ASTN2: variants seen among roughly 807,000 people sequenced by gnomAD.
The protein encoded by ASTN2 is astrotactin-2.
Under a neutral mutation model 139.8 loss-of-function variants are expected in ASTN2, and 54 were observed. That is an observed-to-expected ratio of 0.39 (90% confidence interval 0.31 to 0.48). The LOEUF is 0.48. ASTN2 is among the 20% of genes least tolerant of loss of function. ASTN2 has a pLI of 0.95. For missense variants in ASTN2, 1,565 were observed against 1,725.1 expected (o/e 0.91, Z 1.64); for synonymous variants, 756 against 719.5 (o/e 1.05, Z -0.81).
intron 3 of ASTN2, among the ~76,000 whole-genome samples, chr9:117,144,948 G>A (rs1292258075): frequency 1.3e-5 from 2 of 151,948 alleles, no homozygotes; most frequent in Non-Finnish European, 2.9e-5. Flanking sequence ...CTCTCAAAGT[G>A]TTGGGATTAC....
chr9:117,283,298 C>A (rs890661884), intron 2 of ASTN2, among the ~76,000 whole-genome samples: 1 of 152,092 alleles, frequency 6.6e-6, no homozygotes. Flanking sequence ...AGCTAGAGAC[C>A]CTGCAGGCTT....
intron 1 of ASTN2, among the ~76,000 whole-genome samples, chr9:117,364,877 C>T (rs751329432): frequency 2.4e-4 from 36 of 151,432 alleles, no homozygotes; most frequent in Admixed American, 4.0e-4. Flanking sequence ...CTTTGGAAGG[C>T]CAAGGTGGGT....
intron 17 of ASTN2, among the ~76,000 whole-genome samples, chr9:116,648,095 G>A (rs562452586): frequency 6.6e-6 from 1 of 151,434 alleles, no homozygotes; most frequent in South Asian, 2.1e-4. Context: ...ACTGCCTCTC[G>A]GGTTCAAGCG....
intron 11 of ASTN2, among the ~76,000 whole-genome samples, chr9:116,832,722 T>G (rs557883721): frequency 5.3e-5 from 8 of 152,206 alleles, no homozygotes; most frequent in Non-Finnish European, 1.2e-4. Flanking sequence ...GTTATGTGTA[T>G]AGTTATCTTT....
intron 13 of ASTN2, among the ~76,000 whole-genome samples, chr9:116,738,570 T>C (rs114139262): frequency 0.041 from 6,228 of 152,050 alleles, 453 homozygotes; most frequent in African/African-American, 0.14. Flanking sequence ...AAAGAACTTA[T>C]CTATCTAATC....
intron 3 of ASTN2, among the ~76,000 whole-genome samples, chr9:117,144,121 C>G (rs1034245093): frequency 6.6e-6 from 1 of 152,164 alleles, no homozygotes. Context: ...AAAGACCCCA[C>G]TCTCTTTCTA....
Position 116,745,272 on chromosome 9 carries a change from C to T in ASTN2, c.2397-11749G>A, listed in dbSNP as rs147075770. Among the ~76,000 whole-genome samples the T allele has an allele frequency of 3.2e-3, 483 of 152,310 alleles. 4 individuals are homozygous for T. The highest frequency in any genetic ancestry group is 0.011 in the African/African-American group (450 of 41,578). Reference sequence around the variant, plus strand: ...CAATCCAGTCCTGTTTCGACTTGTGCATTCTCAAGGGTTAGGCAGAGTGAC... The same window carrying T: ...CAATCCAGTCCTGTTTCGACTTGTGTATTCTCAAGGGTTAGGCAGAGTGAC... On this transcript the variant is annotated intron_variant, in intron 13 of 22. Coordinates refer to ENST00000313400, the MANE Select transcript of ASTN2 (RefSeq NM_001365068.1).
intron 6 of ASTN2, among the ~76,000 whole-genome samples, chr9:117,012,189 C>T (rs1396931036): frequency 1.3e-5 from 2 of 152,180 alleles, no homozygotes; most frequent in Non-Finnish European, 2.9e-5. Flanking sequence ...CCACGTTGAT[C>T]TCACAGTTTA....
At chr9:117,150,011 T>C (rs1372827563) in intron 3 of ASTN2, among the ~76,000 whole-genome samples, 3 of 152,228 alleles carry the variant, frequency 2.0e-5, no homozygotes, top group Middle Eastern at 3.2e-3. Flanking sequence ...TTTTCTTATA[T>C]ACAAGATCTT....
rs563527323 is a variant in ASTN2 at position 117,041,052 on chromosome 9, A to T, written c.1277-1087T>A. Reference sequence around the variant, plus strand: ...CGACCTAGAAGAGAGGGCAGAGAGTACGGGGGGTGGTTTTGCCTCTGAAAA... The same window carrying T: ...CGACCTAGAAGAGAGGGCAGAGAGTTCGGGGGGTGGTTTTGCCTCTGAAAA... On this transcript the variant is annotated intron_variant, in intron 5 of 22. Transcript: ENST00000313400. 2.4e-4 allele frequency among the ~76,000 whole-genome samples: 37 copies of T among 152,300 alleles called. No homozygotes were observed. In the East Asian group the frequency reaches 7.0e-3, roughly 29 times the overall value.
chr9:117,110,583 G>A lies in ASTN2; in HGVS notation c.1169-14432C>T, dbSNP rs918885009. Among the ~76,000 whole-genome samples, 36 of 152,340 alleles carry A rather than the reference G, an allele frequency of 2.4e-4. 1 individual carries two copies. Among genetic ancestry groups the A allele is most frequent in the African/African-American group, 8.2e-4 (34 of 41,576 alleles). On this transcript the variant is annotated intron_variant, in intron 4 of 22. Transcript: ENST00000313400. ...CAGAGGAGGTTCTGCATATGGTACA[G>A]AGGAGTACGCTAGTAACAGACCTAT... is the stretch of plus-strand genomic sequence containing the variant.
At chr9:116,471,994 G>C (rs767269904) in intron 20 of ASTN2, among the ~76,000 whole-genome samples, 1 of 152,038 alleles carries the variant, frequency 6.6e-6, no homozygotes, top group Admixed American at 6.6e-5. Flanking sequence ...GACCTCCATC[G>C]TCTGTCTCCT....
chr9:117,073,723 G>A (rs1224568965), intron 5 of ASTN2, among the ~76,000 whole-genome samples: 1 of 152,096 alleles, frequency 6.6e-6, no homozygotes, highest in African/African-American at 2.4e-5. Flanking sequence ...CCACTGGGGG[G>A]TGCTCTTGGG....
At chr9:116,520,237 T>C (rs938296511) in intron 19 of ASTN2, among the ~76,000 whole-genome samples, 10 of 152,034 alleles carry the variant, frequency 6.6e-5, no homozygotes, top group African/African-American at 2.2e-4. Flanking sequence ...TGAACATAGA[T>C]GCAAAAATTC....
In ASTN2 at chr9:116,976,686, C is replaced by A. The variant is rs750757521; in HGVS notation, c.1676+15G>T. 4 of 1,613,472 alleles carry A rather than the reference C, an allele frequency of 2.5e-6. No homozygotes were observed. Among genetic ancestry groups the A allele is most frequent in the East Asian group, 2.2e-5 (1 of 44,856 alleles). On this transcript the variant is annotated intron_variant, in intron 8 of 22. Transcript: ENST00000313400. ...GTCCTGCACTGTCCTGGACCTGATGCCCTTTGCCACTCACCCTTCACTCTG... is the reference window on the plus strand; with the variant it reads ...GTCCTGCACTGTCCTGGACCTGATGACCTTTGCCACTCACCCTTCACTCTG...
At chr9:117,014,728 G>C (rs552729922) in intron 6 of ASTN2, among the ~76,000 whole-genome samples, 1 of 152,020 alleles carries the variant, frequency 6.6e-6, no homozygotes, top group Non-Finnish European at 1.5e-5. Flanking sequence ...GGTCATTAGG[G>C]CGGGTCCTAT....
intron 3 of ASTN2, among the ~76,000 whole-genome samples, chr9:117,188,692 A>G (rs1831270038): frequency 1.3e-5 from 2 of 152,216 alleles, no homozygotes; most frequent in Admixed American, 1.3e-4. Context: ...AAGCATGCAT[A>G]GATGAGAATA....
chr9:116,753,015 A>G (rs1198826005), intron 13 of ASTN2, among the ~76,000 whole-genome samples: 1 of 152,228 alleles, frequency 6.6e-6, no homozygotes, highest in Non-Finnish European at 1.5e-5. Flanking sequence ...GCATTCCTTA[A>G]TATTTACCCA....
At position 116,699,252 on chromosome 9, in the gene ASTN2, G is replaced by A. The variant is rs1165772522; in HGVS notation, c.2806+26519C>T. Reference sequence around the variant, plus strand: ...TTTCACAGTTGATCGAGGATCAGGGGTGGTCAAATACAGCTGCCTATGTAG... The same window carrying A: ...TTTCACAGTTGATCGAGGATCAGGGATGGTCAAATACAGCTGCCTATGTAG... On this transcript the variant is annotated intron_variant, in intron 16 of 22. Transcript: ENST00000313400. This position sits in a 1 kb window ranked among gnomAD's most constrained non-coding sequence, Gnocchi z 4.2. The A allele has an allele frequency of 2.5e-6, 4 of 1,614,246 alleles. No homozygotes were observed. Among genetic ancestry groups the A allele is most frequent in the Non-Finnish European group, 3.4e-6 (4 of 1,180,056 alleles).
Sources: allele counts gnomAD v4.1 joint callset (sites outside exome capture counted in the v4.1 genomes callset), GRCh38; gene constraint gnomAD v4.1.1; non-coding constraint Gnocchi (gnomAD v3.1); transcripts MANE v1.5; gene names NCBI Gene and HGNC (gene_info 2026-07-23, HGNC 2026-07-21).